The following AK9 variants were observed in gnomAD, a reference collection of about 807,000 sequenced individuals.
AK9 encodes adenylate kinase 9.
In AK9, 191 loss-of-function variants were observed where a neutral mutation model predicts 239.6. The ratio of observed to expected loss-of-function variants is 0.80; its 90% CI spans 0.71 to 0.90. The LOEUF is 0.90. Among genes scored for constraint, AK9 ranks in the 40% least tolerant of loss-of-function variants. The probability of loss-of-function intolerance (pLI) is 0.00; values close to 1 mark genes in which losing one functional copy is unlikely to be tolerated. For missense variants in AK9, 1,995 were observed against 2,214.7 expected (o/e 0.90, Z 1.99); for synonymous variants, 689 against 721.0 (o/e 0.96, Z 0.71).
intron 8 of AK9, among the ~76,000 whole-genome samples, chr6:109,648,068 T>C (rs1286881711): frequency 1.3e-5 from 2 of 151,848 alleles, no homozygotes; most frequent in Non-Finnish European, 2.9e-5. Context: ...CATACCAGAA[T>C]CTCTGGGACA....
chr6:109,519,005 C>T (rs1779553228), intron 29 of AK9, among the ~76,000 whole-genome samples: 1 of 152,088 alleles, frequency 6.6e-6, no homozygotes. Context: ...TTATTGCCAT[C>T]TTTATGTCCA....
intron 17 of AK9, among the ~76,000 whole-genome samples, chr6:109,592,450 T>C (rs921600861): frequency 6.8e-6 from 1 of 147,542 alleles, no homozygotes; most frequent in Non-Finnish European, 1.5e-5. Flanking sequence ...GGATTTCTTT[T>C]TTTTTTTTTT....
chr6:109,649,453 G>A (rs915015378), intron 8 of AK9, among the ~76,000 whole-genome samples: 75 of 150,994 alleles, frequency 5.0e-4, no homozygotes, highest in African/African-American at 1.7e-3. Context: ...CAATAACAGA[G>A]AGCCAAATCA....
Position 109,675,763 on chromosome 6 carries a change from T to C in AK9, c.-11-7A>G, listed in dbSNP as rs189477838. 220 of 1,460,348 alleles carry C rather than the reference T, an allele frequency of 1.5e-4. 2 individuals are homozygous for C. The Admixed American group carries it at 4.3e-3, about 29-fold the overall frequency. The allele number at this position is 1,460,348 out of a possible 1,614,324, so 90.5% of individuals were successfully genotyped here. On this transcript the variant is annotated splice_region_variant and splice_polypyrimidine_tract_variant and intron_variant, in intron 1 of 40. Transcript: ENST00000424296. ...GAAGTCATGACACAAAATACTACAA[T>C]AAAAAAGGGTAAGATTGTTAACTTG...
chr6:109,633,230 A>T lies in AK9; in HGVS notation c.1027T>A (p.Leu343Ile). The T allele has an allele frequency of 6.2e-7, 1 of 1,604,032 alleles. No homozygotes were observed. The highest frequency in any genetic ancestry group is 8.5e-7 in the Non-Finnish European group (1 of 1,177,986). Residue 343 changes from leucine (L) to isoleucine (I), a missense_variant, in exon 11 of 41, where the codon TTA (leucine) becomes ATA (isoleucine). Leu to Ile is a conservative substitution (Grantham distance 5). Transcript: ENST00000424296. Reference sequence around the variant, plus strand: ...CCTGAATAAATGTTACCATCTTTTAAATTCACAGGACATGTACGTCCCCAT... The same window carrying T: ...CCTGAATAAATGTTACCATCTTTTATATTCACAGGACATGTACGTCCCCAT... ...SKWGRTCPVNLKDGNIYSGLP... is the reference protein window; with the variant it reads ...SKWGRTCPVNIKDGNIYSGLP...
intron 17 of AK9, among the ~76,000 whole-genome samples, chr6:109,587,574 G>C (rs1789670237): frequency 6.6e-6 from 1 of 151,918 alleles, no homozygotes; most frequent in Non-Finnish European, 1.5e-5. Context: ...TGTACACATT[G>C]TTTAGCTCCC....
intron 24 of AK9, among the ~76,000 whole-genome samples, chr6:109,557,228 T>C (rs1174870073): frequency 6.6e-6 from 1 of 152,170 alleles, no homozygotes; most frequent in Non-Finnish European, 1.5e-5. Flanking sequence ...TTTGTTTTTC[T>C]TTCAATAGTC....
At chr6:109,639,264 A>G (rs1797100200) in intron 10 of AK9, among the ~76,000 whole-genome samples, 1 of 152,212 alleles carries the variant, frequency 6.6e-6, no homozygotes, top group African/African-American at 2.4e-5. Context: ...CTACACTCCC[A>G]CCAACGGTGT....
chr6:109,590,081 G>A (rs1332963024), intron 17 of AK9, among the ~76,000 whole-genome samples: 1 of 152,056 alleles, frequency 6.6e-6, no homozygotes, highest in East Asian at 1.9e-4. Flanking sequence ...TGGCTTCATG[G>A]AATGAGTTAG....
At chr6:109,645,364 G>A (rs145000394) in intron 8 of AK9, among the ~76,000 whole-genome samples, 2,253 of 152,264 alleles carry the variant, frequency 0.015, 59 homozygotes, top group African/African-American at 0.051. Context: ...CTAATACTGC[G>A]CTTTTCCAAC....
intron 29 of AK9, among the ~76,000 whole-genome samples, chr6:109,525,452 A>G (rs1780365110): frequency 6.6e-6 from 1 of 152,196 alleles, no homozygotes; most frequent in South Asian, 2.1e-4. Flanking sequence ...TAAGGAACTT[A>G]AACAAATCAA....
Position 109,586,054 on chromosome 6 carries a change from C to T in AK9, c.1861G>A (p.Asp621Asn), listed in dbSNP as rs1789468625. ...VLGEVMEENKDRFPGAPKYGG... is the reference protein window; with the variant it reads ...VLGEVMEENKNRFPGAPKYGG... ...TATTTTGGGGCACCAGGAAACCTAT[C>T]CTTGTTTTCTTCCATTACCTGTGAA... Residue 621 changes from aspartate (D) to asparagine (N), a missense_variant, in exon 18 of 41, where the codon GAT becomes AAT. By Grantham distance (23) the Asp-to-Asn change is conservative. Around this residue, in one of 5 missense-constraint regions of AK9, gnomAD observed 1,290 missense variants for 1,392.7 expected, o/e 0.93. Coordinates refer to ENST00000424296, the MANE Select transcript of AK9 (RefSeq NM_001145128.3). The T allele has an allele frequency of 1.3e-6, 2 of 1,550,612 alleles. No homozygotes were observed. The highest frequency in any genetic ancestry group is 2.7e-5 in the African/African-American group (2 of 72,970).
intron 35 of AK9, among the ~76,000 whole-genome samples, chr6:109,502,317 A>G (rs1777680065): frequency 6.6e-6 from 1 of 152,236 alleles, no homozygotes; most frequent in South Asian, 2.1e-4. Flanking sequence ...ATAGGGTCAG[A>G]GAAATACACA....
At chr6:109,648,044 G>A (rs1392869420) in intron 8 of AK9, among the ~76,000 whole-genome samples, 1 of 151,990 alleles carries the variant, frequency 6.6e-6, no homozygotes, top group Admixed American at 6.6e-5. Flanking sequence ...AAACCAACGA[G>A]AACAAAGACA....
chr6:109,598,299 C>T (rs1465916983), intron 17 of AK9, among the ~76,000 whole-genome samples: 1 of 150,950 alleles, frequency 6.6e-6, no homozygotes, highest in Non-Finnish European at 1.5e-5. Context: ...GTTCAATTCC[C>T]ACCTATGAGT....
chr6:109,669,853 G>A (rs1249345019), intron 5 of AK9, among the ~76,000 whole-genome samples: 3 of 152,152 alleles, frequency 2.0e-5, no homozygotes, highest in African/African-American at 4.8e-5. Context: ...TGGGCAGAAG[G>A]CGCTTTAGGT....
chr6:109,531,921 G>A (rs1781329864), intron 28 of AK9, among the ~76,000 whole-genome samples: 1 of 152,132 alleles, frequency 6.6e-6, no homozygotes, highest in Admixed American at 6.6e-5. Context: ...GTGATGGCCT[G>A]GGACATGCAA....
At chr6:109,688,296 T>C (rs1773814216) in intron 1 of AK9, among the ~76,000 whole-genome samples, 1 of 152,170 alleles carries the variant, frequency 6.6e-6, no homozygotes, top group Non-Finnish European at 1.5e-5. Context: ...ACAAATTGAT[T>C]ACACAGGACC....
At chr6:109,563,968 G>A in intron 23 of AK9, 112 bp downstream of exon 23, 1 of 1,154,774 alleles carries the variant, frequency 8.7e-7, no homozygotes, top group African/African-American at 1.6e-5. Context: ...CATCAGCCTT[G>A]GATATACTGA....
Sources: allele counts gnomAD v4.1 joint callset (sites outside exome capture counted in the v4.1 genomes callset), GRCh38; gene constraint gnomAD v4.1.1; regional missense constraint gnomAD v4.1.1; transcripts MANE v1.5; gene names NCBI Gene and HGNC (gene_info 2026-07-23, HGNC 2026-07-21).